ITPRID1: variants seen among roughly 807,000 people sequenced by gnomAD.
The protein encoded by ITPRID1 is ITPR interacting domain containing 1, also known as protein ITPRID1.
Under a neutral mutation model 95.4 loss-of-function variants are expected in ITPRID1, and 96 were observed. That is an observed-to-expected ratio of 1.01 (90% CI 0.85 to 1.19). The LOEUF (loss-of-function observed/expected upper bound fraction) is 1.19. Ranked by LOEUF, ITPRID1 falls within the 50% of genes most tolerant of loss-of-function variation. The pLI, the probability that ITPRID1 is intolerant of heterozygous loss-of-function variation, is 0.00. For synonymous variants in ITPRID1, 510 were observed against 453.6 expected (o/e 1.12, Z -1.58); for missense variants, 1,339 against 1,252.9 (o/e 1.07, Z -1.04).
chr7:31,567,910 G>A (rs1298292748), intron 5 of ITPRID1, among the ~76,000 whole-genome samples: 1 of 152,140 alleles, frequency 6.6e-6, no homozygotes, highest in African/African-American at 2.4e-5. Context: ...TGGATCGCTT[G>A]AGGCCAGGAG....
chr7:31,514,109 C>T lies in ITPRID1; in HGVS notation c.-109C>T, dbSNP rs1728109148. On this transcript the variant is annotated 5_prime_UTR_variant, in exon 1 of 15. Transcript: ENST00000615280. ...ACTTTCAGATGGCTCAGGAGTGGAG[C>T]TTTTGTGGCAGGTGGGTAGAGGCTG... The T allele has an allele frequency of 6.6e-6, 1 of 152,258 alleles. No homozygotes were observed. The highest frequency in any genetic ancestry group is 1.5e-5 in the Non-Finnish European group (1 of 68,070). The allele number at this position is 152,258 out of a possible 1,614,324, so 9.4% of individuals were successfully genotyped here. A position where few individuals can be genotyped will look rare whatever the true frequency, so the allele number is the denominator to read the frequency against.
In ITPRID1 at chr7:31,589,594, G is replaced by A. The variant is rs534197626; in HGVS notation, c.1228+6403G>A. Among the ~76,000 whole-genome samples, 4 of 152,114 alleles carry A rather than the reference G, an allele frequency of 2.6e-5. No homozygotes were observed. In the East Asian group the frequency reaches 7.7e-4, roughly 29 times the overall value. On this transcript the variant is annotated intron_variant, in intron 10 of 14. Transcript: ENST00000615280. ...AGATAAAAGAAAATATTTAAAGCAG[G>A]CACACAAAAATGACATATTGAATAC... is the stretch of plus-strand genomic sequence containing the variant.
chr7:31,639,589 T>A (rs1172554572), intron 10 of ITPRID1, among the ~76,000 whole-genome samples: 1 of 148,460 alleles, frequency 6.7e-6, no homozygotes, highest in Non-Finnish European at 1.5e-5. Context: ...CAGGCTGGAG[T>A]GCAGTGGCGC....
intron 10 of ITPRID1, among the ~76,000 whole-genome samples, chr7:31,628,796 G>T (rs1340143505): frequency 1.3e-5 from 2 of 152,100 alleles, no homozygotes; most frequent in Admixed American, 1.3e-4. Flanking sequence ...CTTCAGCTTG[G>T]TAACTACGAA....
chr7:31,628,150 A>G (rs988428210), intron 10 of ITPRID1, among the ~76,000 whole-genome samples: 5 of 152,232 alleles, frequency 3.3e-5, no homozygotes, highest in Admixed American at 2.0e-4. Context: ...GACGGCAGCC[A>G]TTTTCAAAAA....
At chr7:31,554,316 G>A in intron 3 of ITPRID1, 159 bp from the exon 4 acceptor site, 1 of 1,294,370 alleles carries the variant, frequency 7.7e-7, no homozygotes, top group East Asian at 2.7e-5. Flanking sequence ...TGGAAAACAG[G>A]AGATTTTGCC....
intron 1 of ITPRID1, 106 bp from the exon 2 acceptor site, chr7:31,549,320 T>G (rs1307647263): frequency 1.0e-5 from 7 of 680,344 alleles, no homozygotes; most frequent in African/African-American, 1.9e-5. Context: ...TCATCCAAAC[T>G]AAGTAATTTC....
At chr7:31,543,640 C>T (rs1349113808) in intron 1 of ITPRID1, among the ~76,000 whole-genome samples, 2 of 151,910 alleles carry the variant, frequency 1.3e-5, no homozygotes, top group East Asian at 3.9e-4. Context: ...TTTAAGAGTT[C>T]TGTGGATATT....
At chr7:31,599,508 C>T (rs544751656) in intron 10 of ITPRID1, among the ~76,000 whole-genome samples, 2 of 152,280 alleles carry the variant, frequency 1.3e-5, no homozygotes, top group Non-Finnish European at 2.9e-5. Flanking sequence ...TTTAAAAAAT[C>T]TGAAGTAATT....
rs1355215586 is a variant in ITPRID1, at chr7:31,652,986, A to G, written c.*157A>G. 3.5e-6 allele frequency: 5 copies of G among 1,435,218 alleles called. No homozygotes were observed. The African/African-American group carries it at 5.7e-5, about 16-fold the overall frequency. The allele number at this position is 1,435,218 out of a possible 1,614,324, so 88.9% of individuals were successfully genotyped here. A position where few individuals can be genotyped will look rare whatever the true frequency, so the allele number is the denominator to read the frequency against. On this transcript the variant is annotated 3_prime_UTR_variant, in exon 15 of 15. Coordinates refer to ENST00000615280, the MANE Select transcript of ITPRID1 (RefSeq NM_001257967.3). ...TTGGTTAAACCCAAGAGGAGTTTAG[A>G]ATACTCTAATACTCATTCAGTATAG...
chr7:31,539,891 G>A (rs915599277), intron 1 of ITPRID1, among the ~76,000 whole-genome samples: 3 of 152,044 alleles, frequency 2.0e-5, no homozygotes, highest in East Asian at 3.9e-4. Flanking sequence ...TCTCGGGGTG[G>A]CATGTATCTG....
At chr7:31,649,640 T>A (rs771046448) in intron 12 of ITPRID1, among the ~76,000 whole-genome samples, 1 of 152,160 alleles carries the variant, frequency 6.6e-6, no homozygotes, top group Non-Finnish European at 1.5e-5. Flanking sequence ...GTGGGTCTGA[T>A]AGAGATGGCT....
At chr7:31,599,531 T>TAAG in intron 10 of ITPRID1, among the ~76,000 whole-genome samples, 1 of 152,200 alleles carries the variant, frequency 6.6e-6, no homozygotes, top group Admixed American at 6.5e-5. Context: ...GGCAAAATGT[T>TAAG]AAGTTTTAAT....
In ITPRID1 at chr7:31,631,077, A is replaced by G. The variant is rs1788948192; in HGVS notation, c.1229-11099A>G. 2.0e-5 allele frequency among the ~76,000 whole-genome samples: 3 copies of G among 152,224 alleles called. No individual in the cohort carries two copies. The South Asian group carries it at 6.2e-4, about 31-fold the overall frequency. On this transcript the variant is annotated intron_variant, in intron 10 of 14. Transcript: ENST00000615280. ...TATTGAAGAAATTAAAAGTTTTTAA[A>G]AAGTTTCATCTTTTAAGGTATACCA... is the stretch of plus-strand genomic sequence containing the variant.
rs148599162 is a variant in ITPRID1, at chr7:31,566,245, C to G, written c.257-3513C>G. Among the ~76,000 whole-genome samples the G allele has an allele frequency of 1.3e-3, 200 of 152,310 alleles. 1 individual carries two copies. Among genetic ancestry groups the G allele is most frequent in the African/African-American group, 4.8e-3 (198 of 41,580 alleles). ...AAAACTCAGCAAGGCTGAGCTAACT[C>G]TTCTCATCAATATCTGAAAACGGAT... is the stretch of plus-strand genomic sequence containing the variant. On this transcript the variant is annotated intron_variant, in intron 5 of 14. Coordinates refer to ENST00000615280, the MANE Select transcript of ITPRID1 (RefSeq NM_001257967.3).
intron 12 of ITPRID1, among the ~76,000 whole-genome samples, chr7:31,644,919 C>T (rs1790333864): frequency 1.3e-5 from 2 of 152,182 alleles, no homozygotes; most frequent in Admixed American, 1.3e-4. Context: ...GTTACCTTCC[C>T]ATTCTCTTAA....
At chr7:31,602,993 C>T (rs1398778354) in intron 10 of ITPRID1, among the ~76,000 whole-genome samples, 6 of 151,760 alleles carry the variant, frequency 4.0e-5, no homozygotes, top group Non-Finnish European at 8.8e-5. Flanking sequence ...CCCCTCATCG[C>T]ATCTTTCCTC....
chr7:31,589,130 AG>A (rs910476175), intron 10 of ITPRID1, among the ~76,000 whole-genome samples: 2 of 152,016 alleles, frequency 1.3e-5, no homozygotes, highest in African/African-American at 2.4e-5. Context: ...TCTAAAAAAA[AG>A]AATTATAATA....
intron 8 of ITPRID1, among the ~76,000 whole-genome samples, 193 bp downstream of exon 8, chr7:31,574,935 G>A (rs1030882755): frequency 3.9e-5 from 6 of 152,194 alleles, no homozygotes; most frequent in Admixed American, 3.3e-4. Context: ...GGAGAAAGGA[G>A]TATCTATTTG....
Sources: gnomAD v4.1 joint callset for allele counts (sites outside exome capture counted in the v4.1 genomes callset) on GRCh38, gnomAD v4.1.1 for gene constraint, MANE v1.5 for transcripts, NCBI Gene and HGNC (gene_info 2026-07-23, HGNC 2026-07-21) for gene names.